Variants in PPP6R2 observed in about 807,000 individuals in gnomAD.
PPP6R2 encodes serine/threonine-protein phosphatase 6 regulatory subunit 2.
In PPP6R2, 62 loss-of-function variants were observed where a neutral mutation model predicts 100.2. The observed-to-expected ratio is 0.62, with a 90% confidence interval of 0.50 to 0.76. PPP6R2 has a LOEUF of 0.76. Among genes scored for constraint, PPP6R2 ranks in the 30% least tolerant of loss-of-function variants. PPP6R2 has a pLI of 0.00. For missense variants in PPP6R2, 1,142 were observed against 1,276.3 expected (o/e 0.89, Z 1.60); for synonymous variants, 525 against 514.7 (o/e 1.02, Z -0.27).
At chr22:50,397,135 G>A (rs1215372846) in intron 3 of PPP6R2, among the ~76,000 whole-genome samples, 1 of 152,192 alleles carries the variant, frequency 6.6e-6, no homozygotes, top group Non-Finnish European at 1.5e-5. Context: ...AGCAAACAGA[G>A]CAAGAGGACT....
chr22:50,349,486 TAGTG>T (rs1241210456), intron 1 of PPP6R2, among the ~76,000 whole-genome samples: 3 of 148,798 alleles, frequency 2.0e-5, no homozygotes, highest in Admixed American at 1.4e-4. Context: ...CTGAGCAACA[TAGTG>T]AGGCCCCATC....
At chr22:50,398,901 C>T (rs1276499750) in intron 3 of PPP6R2, among the ~76,000 whole-genome samples, 6 of 152,280 alleles carry the variant, frequency 3.9e-5, no homozygotes, top group Middle Eastern at 3.4e-3. Context: ...AGTCTGTCTG[C>T]GTCACATGAC....
rs548550939 is a variant in PPP6R2 at position 50,431,575 on chromosome 22, A to G, written c.1335+193A>G. Among the ~76,000 whole-genome samples the G allele has an allele frequency of 6.6e-6, 1 of 152,062 alleles. No homozygotes were observed. The highest frequency in any genetic ancestry group is 6.6e-5 in the Admixed American group (1 of 15,262). On this transcript the variant is annotated intron_variant, in intron 11 of 23. Transcript: ENST00000612753. The surrounding 1 kb of genome is among the most constrained non-coding windows in gnomAD (Gnocchi z 4.8). ...AGTGGGTCTTGCAGATCTCATTCCT[A>G]CCTGCCTTCAGCAGGGGTACTGGTG...
chr22:50,388,104 C>T (rs2054615384), intron 2 of PPP6R2, among the ~76,000 whole-genome samples: 1 of 151,926 alleles, frequency 6.6e-6, no homozygotes. Flanking sequence ...AGGTGGCTCG[C>T]TTGAGCCCAG....
At chr22:50,338,118 T>A in the PPP6R2 span, among the ~76,000 whole-genome samples, 2 of 145,546 alleles carry the variant, frequency 1.4e-5, no homozygotes, top group Non-Finnish European at 3.0e-5. Context: ...GTGGTGTGTG[T>A]GCATGTGCGT....
intron 6 of PPP6R2, among the ~76,000 whole-genome samples, chr22:50,417,481 G>A (rs565409558): frequency 1.3e-5 from 2 of 152,208 alleles, no homozygotes; most frequent in African/African-American, 4.8e-5. Context: ...GAGAGTTTGG[G>A]GTATATCCCA....
chr22:50,379,354 G>C (rs1450188308), intron 2 of PPP6R2, among the ~76,000 whole-genome samples: 1 of 151,868 alleles, frequency 6.6e-6, no homozygotes, highest in African/African-American at 2.4e-5. Context: ...AAAATTAGCC[G>C]GGAGCGGTGG....
chr22:50,425,806 T>C (rs1387979541), intron 10 of PPP6R2, among the ~76,000 whole-genome samples: 1 of 152,140 alleles, frequency 6.6e-6, no homozygotes, highest in Non-Finnish European at 1.5e-5. Context: ...TCGTGCTTTT[T>C]GGCCATGTGA....
rs2056617649 is a variant in PPP6R2 at position 50,395,587 on chromosome 22, G to GTC, written c.227+1455_227+1456dup. ...TTTTATTTTAGTTTTTTGAGACAAG[G>GTC]TCTCACTCCATCGCCCAGGCTGGGG... On this transcript the variant is annotated intron_variant, in intron 3 of 23. Transcript: ENST00000612753. 3.3e-5 allele frequency among the ~76,000 whole-genome samples: 5 copies of GTC among 152,208 alleles called. No individual in the cohort carries two copies. In the South Asian group the frequency reaches 1.0e-3, roughly 32 times the overall value.
chr22:50,351,609 A>G (rs906644719), intron 1 of PPP6R2, among the ~76,000 whole-genome samples: 4 of 152,046 alleles, frequency 2.6e-5, no homozygotes, highest in Non-Finnish European at 5.9e-5. Flanking sequence ...CAACTTCTAT[A>G]TCAGCATTTG....
upstream of PPP6R2, among the ~76,000 whole-genome samples, chr22:50,339,129 AGTGTGTGTGGTTTGTGGT>A (rs751879816): frequency 3.6e-5 from 3 of 83,560 alleles, no homozygotes; most frequent in Non-Finnish European, 7.0e-5. Flanking sequence ...TGTGTTATGT[AGTGTGTGTGGTTTGTGGT>A]GTGTGTGTGG....
chr22:50,378,427 A>G (rs1374725723), intron 2 of PPP6R2, among the ~76,000 whole-genome samples: 1 of 152,034 alleles, frequency 6.6e-6, no homozygotes, highest in Non-Finnish European at 1.5e-5. Flanking sequence ...TCTCTACTAA[A>G]AATACAAAAT....
the PPP6R2 span, among the ~76,000 whole-genome samples, chr22:50,332,332 C>G: frequency 6.6e-6 from 1 of 151,390 alleles, no homozygotes; most frequent in South Asian, 2.1e-4. Context: ...GGTTCACCCC[C>G]CCATTCTTCT....
chr22:50,383,261 G>T (rs561072627), intron 2 of PPP6R2, among the ~76,000 whole-genome samples: 1 of 152,178 alleles, frequency 6.6e-6, no homozygotes, highest in Non-Finnish European at 1.5e-5. Context: ...TATTGGTAGG[G>T]TGCCCATCAG....
At chr22:50,432,410 G>A (rs2063328788) in intron 12 of PPP6R2, 81 bp downstream of exon 12, 4 of 1,315,602 alleles carry the variant, frequency 3.0e-6, no homozygotes, top group Non-Finnish European at 4.3e-6. Context: ...CCCTGGTGAC[G>A]CTGCGTGCAG....
At chr22:50,364,121 T>C (rs998396522) in intron 1 of PPP6R2, among the ~76,000 whole-genome samples, 2 of 152,062 alleles carry the variant, frequency 1.3e-5, no homozygotes, top group African/African-American at 2.4e-5. Context: ...GGTCTCAAAC[T>C]CCTGACCTCA....
At chr22:50,360,753 C>G (rs935966389) in intron 1 of PPP6R2, among the ~76,000 whole-genome samples, 1 of 152,136 alleles carries the variant, frequency 6.6e-6, no homozygotes, top group African/African-American at 2.4e-5. Flanking sequence ...GATAGGACAC[C>G]TATTGGGTGT....
intron 1 of PPP6R2, among the ~76,000 whole-genome samples, chr22:50,355,504 C>G (rs917611660): frequency 1.3e-5 from 2 of 150,602 alleles, no homozygotes; most frequent in African/African-American, 2.4e-5. Flanking sequence ...GCTGGGATTA[C>G]AAGCGTGAGC....
Position 50,414,690 on chromosome 22 carries a change from G to A in PPP6R2, c.552+1G>A, listed in dbSNP as rs891981448. On this transcript the variant is annotated splice_donor_variant, in intron 5 of 23. Transcript: ENST00000612753. LOFTEE classifies it high-confidence loss of function. Reference sequence around the variant, plus strand: ...CGGGCTCCGGCAGGACGTCCTGCACGTGAGTGCGGGAGTCCCCCCCCGTTC... The same window carrying A: ...CGGGCTCCGGCAGGACGTCCTGCACATGAGTGCGGGAGTCCCCCCCCGTTC... The A allele has an allele frequency of 1.2e-6, 2 of 1,601,012 alleles. No individual in the cohort carries two copies. Among genetic ancestry groups the A allele is most frequent in the Non-Finnish European group, 1.7e-6 (2 of 1,177,076 alleles).
Sources: allele counts gnomAD v4.1 joint callset (sites outside exome capture counted in the v4.1 genomes callset), GRCh38; gene constraint gnomAD v4.1.1; non-coding constraint Gnocchi (gnomAD v3.1); transcripts MANE v1.5; gene names NCBI Gene and HGNC (gene_info 2026-07-23, HGNC 2026-07-21).